MMUT: variants seen among roughly 807,000 people sequenced by gnomAD.
MMUT encodes methylmalonyl-CoA mutase, mitochondrial.
In MMUT, 79 loss-of-function variants were observed where a neutral mutation model predicts 79.9. The ratio of observed to expected loss-of-function variants is 0.99; its 90% CI spans 0.82 to 1.19. The LOEUF (loss-of-function observed/expected upper bound fraction) is 1.19, where lower values mean the gene tolerates loss of function less well. MMUT is among the 50% of genes most tolerant of loss of function. The probability of loss-of-function intolerance (pLI) is 0.00; values close to 1 mark genes in which losing one functional copy is unlikely to be tolerated. For missense variants in MMUT, 860 were observed against 917.2 expected, an observed-to-expected ratio of 0.94 and a Z score of 0.81; for synonymous variants, 273 against 295.7, an observed-to-expected ratio of 0.92 and a Z score of 0.79.
chr6:49,455,280 A>C (rs1443356209), intron 4 of MMUT, among the ~76,000 whole-genome samples: 1 of 152,152 alleles, frequency 6.6e-6, no homozygotes, highest in Non-Finnish European at 1.5e-5. Flanking sequence ...GAAAAACATC[A>C]CTATAAATTC....
chr6:49,458,824 C>G (rs1419246954), intron 2 of MMUT, among the ~76,000 whole-genome samples: 1 of 152,166 alleles, frequency 6.6e-6, no homozygotes, highest in East Asian at 1.9e-4. Context: ...GTCTTCTTTT[C>G]TTCATGCAAC....
intron 7 of MMUT, 137 bp from the exon 8 acceptor site, chr6:49,447,922 A>T (rs529267125): frequency 1.8e-5 from 11 of 623,366 alleles, no homozygotes; most frequent in Non-Finnish European, 3.2e-5. Flanking sequence ...AATATAGATC[A>T]GCAAATCCCA....
At chr6:49,443,919 C>T (rs1465551214) in intron 9 of MMUT, 3 of 287,010 alleles carry the variant, frequency 1.0e-5, no homozygotes, top group Non-Finnish European at 2.1e-5. Context: ...GTTACAAAGG[C>T]AAAACGTCTC....
intron 8 of MMUT, 43 bp downstream of exon 8, chr6:49,447,627 C>G (rs200609346): frequency 8.7e-7 from 1 of 1,155,476 alleles, no homozygotes; most frequent in Non-Finnish European, 1.3e-6. Context: ...GCCCAGAACA[C>G]AGAAAATACT....
At chr6:49,437,327 A>C (rs907820373) in intron 11 of MMUT, among the ~76,000 whole-genome samples, 2 of 152,114 alleles carry the variant, frequency 1.3e-5, no homozygotes, top group African/African-American at 4.8e-5. Context: ...ATTTCACCCT[A>C]TTAACATGAC....
intron 4 of MMUT, among the ~76,000 whole-genome samples, chr6:49,454,718 T>C (rs2127419010): frequency 6.6e-6 from 1 of 152,348 alleles, no homozygotes; most frequent in Non-Finnish European, 1.5e-5. Context: ...ATTTGTATAA[T>C]ATCTATCAAT....
intron 12 of MMUT, among the ~76,000 whole-genome samples, chr6:49,432,813 T>C (rs1767021823): frequency 6.6e-6 from 1 of 152,198 alleles, no homozygotes; most frequent in South Asian, 2.1e-4. Context: ...TGTTAGGATG[T>C]GCTACAAGAA....
At chr6:49,436,901 C>G (rs1278725547) in intron 11 of MMUT, among the ~76,000 whole-genome samples, 2 of 151,940 alleles carry the variant, frequency 1.3e-5, no homozygotes, top group Admixed American at 1.3e-4. Context: ...CACATGGACA[C>G]AAACAAGGCA....
chr6:49,460,941 A>G (rs1197627103), intron 1 of MMUT, among the ~76,000 whole-genome samples: 1 of 152,252 alleles, frequency 6.6e-6, no homozygotes, highest in Non-Finnish European at 1.5e-5. Flanking sequence ...TGTTTATGCC[A>G]TTCCACTGAG....
intron 9 of MMUT, among the ~76,000 whole-genome samples, chr6:49,442,502 A>C (rs960122464): frequency 6.6e-6 from 1 of 152,134 alleles, no homozygotes; most frequent in Non-Finnish European, 1.5e-5. Flanking sequence ...ATCTAGTCAG[A>C]GGATGCAGAT....
intron 9 of MMUT, among the ~76,000 whole-genome samples, chr6:49,442,306 A>T (rs910344904): frequency 6.6e-6 from 1 of 152,078 alleles, no homozygotes; most frequent in Non-Finnish European, 1.5e-5. Context: ...CACTCCCATA[A>T]ATATTTTTTG....
chr6:49,459,590 G>A (rs541787556), intron 1 of MMUT, 85 bp from the exon 2 acceptor site: 3 of 1,062,698 alleles, frequency 2.8e-6, no homozygotes, highest in African/African-American at 3.2e-5. Context: ...AGAAAAGAAA[G>A]AGGATGTATT....
At chr6:49,446,688 T>C (rs1378264403) in intron 8 of MMUT, among the ~76,000 whole-genome samples, 1 of 151,914 alleles carries the variant, frequency 6.6e-6, no homozygotes, top group Non-Finnish European at 1.5e-5. Flanking sequence ...GCTCAATAAA[T>C]GTTAACTATT....
intron 6 of MMUT, among the ~76,000 whole-genome samples, chr6:49,450,389 A>G (rs1767522030): frequency 6.6e-6 from 1 of 152,068 alleles, no homozygotes; most frequent in Non-Finnish European, 1.5e-5. Context: ...AGAGCTATAA[A>G]AATATTTTTT....
chr6:49,447,967 A>T (rs973853570), intron 7 of MMUT, among the ~76,000 whole-genome samples, 182 bp from the exon 8 acceptor site: 1 of 152,030 alleles, frequency 6.6e-6, no homozygotes, highest in Non-Finnish European at 1.5e-5. Flanking sequence ...AAGTAGAGGT[A>T]TATGTCAGAG....
At chr6:49,457,270 G>A (rs898820511) in intron 3 of MMUT, among the ~76,000 whole-genome samples, 4 of 152,210 alleles carry the variant, frequency 2.6e-5, no homozygotes, top group Non-Finnish European at 5.9e-5. Flanking sequence ...ATTCAAGGGT[G>A]AATATTAGGG....
chr6:49,453,533 A>AT lies in MMUT; in HGVS notation c.1083+51_1083+52insA, dbSNP rs1452085486. On this transcript the variant is annotated intron_variant, in intron 5 of 12. Coordinates refer to ENST00000274813, the MANE Select transcript of MMUT (RefSeq NM_000255.4). ...TGCTTGTGCCACATTGCTCAGAAAA[A>AT]ATATATATATATAACTTTATTAAAA... The AT allele has an allele frequency of 8.4e-5, 86 of 1,024,954 alleles. 1 individual carries two copies. Among genetic ancestry groups the AT allele is most frequent in the Middle Eastern group, 6.1e-4 (2 of 3,260 alleles). 63.5% of individuals were successfully genotyped at this position (1,024,954 alleles called of 1,614,324 possible). A position where few individuals can be genotyped will look rare whatever the true frequency, so the allele number is the denominator to read the frequency against.
intron 11 of MMUT, among the ~76,000 whole-genome samples, chr6:49,437,696 C>T (rs569429463): frequency 1.3e-5 from 2 of 152,150 alleles, no homozygotes; most frequent in Admixed American, 1.3e-4. Context: ...TCTTCAAAAT[C>T]CTAGCTGAGA....
intron 11 of MMUT, 88 bp downstream of exon 11, chr6:49,440,118 G>T: frequency 6.6e-7 from 1 of 1,513,630 alleles, no homozygotes; most frequent in Non-Finnish European, 9.2e-7. Context: ...GTATTAATTT[G>T]CTCAATGTCT....
Sources: allele counts gnomAD v4.1 joint callset (sites outside exome capture counted in the v4.1 genomes callset), GRCh38; gene constraint gnomAD v4.1.1; transcripts MANE v1.5; gene names NCBI Gene and HGNC (gene_info 2026-07-23, HGNC 2026-07-21).